MAGI1: variants seen among roughly 807,000 people sequenced by gnomAD.
MAGI1 encodes membrane-associated guanylate kinase, WW and PDZ domain-containing protein 1.
In MAGI1, 58 loss-of-function variants were observed where a neutral mutation model predicts 139.9. That is an observed-to-expected ratio of 0.41 (90% CI 0.34 to 0.52). The LOEUF is 0.52. Among genes scored for constraint, MAGI1 ranks in the 20% least tolerant of loss-of-function variants. The probability of loss-of-function intolerance (pLI) is 0.12; values close to 1 mark genes in which losing one functional copy is unlikely to be tolerated. For missense variants in MAGI1, 1,874 were observed against 1,901.6 expected (o/e 0.99, Z 0.27); for synonymous variants, 812 against 737.9 (o/e 1.10, Z -1.63).
intron 1 of MAGI1, among the ~76,000 whole-genome samples, chr3:65,931,190 G>A (rs1041777095): frequency 3.9e-5 from 6 of 151,954 alleles, no homozygotes; most frequent in Non-Finnish European, 4.4e-5. Context: ...GTGCCACCAC[G>A]CCCAGCTGAT....
intron 1 of MAGI1, among the ~76,000 whole-genome samples, chr3:66,001,355 G>C (rs1421502612): frequency 6.6e-6 from 1 of 152,076 alleles, no homozygotes; most frequent in Non-Finnish European, 1.5e-5. Context: ...AAATTATTAT[G>C]ATTATGCTAG....
At chr3:65,687,847 C>A in intron 1 of MAGI1, 2 of 614,596 alleles carry the variant, frequency 3.3e-6, no homozygotes, top group South Asian at 2.7e-5. Context: ...ACAGTGCCAC[C>A]CAGTCTTCCA....
intron 1 of MAGI1, among the ~76,000 whole-genome samples, chr3:65,785,265 T>C (rs2039292393): frequency 6.6e-6 from 1 of 152,188 alleles, no homozygotes; most frequent in Non-Finnish European, 1.5e-5. Context: ...AAGAGGGCGC[T>C]TTCCTCACAG....
intron 1 of MAGI1, among the ~76,000 whole-genome samples, chr3:66,033,564 T>C (rs2068757553): frequency 6.6e-6 from 1 of 152,062 alleles, no homozygotes; most frequent in South Asian, 2.1e-4. Context: ...AAAATGAGAG[T>C]TATTGTCATA....
At chr3:65,367,514 GTTTATC>G (rs1941546812) in intron 18 of MAGI1, among the ~76,000 whole-genome samples, 1 of 152,036 alleles carries the variant, frequency 6.6e-6, no homozygotes. Flanking sequence ...CTCATTTGTT[GTTTATC>G]TTAATCTATG....
intron 1 of MAGI1, among the ~76,000 whole-genome samples, chr3:65,802,929 C>CA (rs2040609973): frequency 6.7e-6 from 1 of 150,360 alleles, no homozygotes; most frequent in Non-Finnish European, 1.5e-5. Flanking sequence ...GTGAAAAACA[C>CA]AAATTTCATC....
rs1559642646 is a variant in MAGI1 at position 65,530,740 on chromosome 3, T to TACACATATATATACACAC, written c.431-37110_431-37109insGTGTGTATATATATGTGT. ...ATATATATACACACGTATATATATA[T>TACACATATATATACACAC]GCACATATATATACACGTATATATA... is the stretch of plus-strand genomic sequence containing the variant. On this transcript the variant is annotated intron_variant, in intron 2 of 22. Transcript: ENST00000402939. Among the ~76,000 whole-genome samples the TACACATATATATACACAC allele has an allele frequency of 3.1e-5, 3 of 97,496 alleles. No homozygotes were observed. The East Asian group carries it at 1.1e-3, about 36-fold the overall frequency. The allele number at this position is 97,496 out of a possible 152,430, so 64.0% of individuals were successfully genotyped here. A position where few individuals can be genotyped will look rare whatever the true frequency, so the allele number is the denominator to read the frequency against.
chr3:65,485,357 C>T (rs1248576132), intron 3 of MAGI1, among the ~76,000 whole-genome samples: 1 of 152,116 alleles, frequency 6.6e-6, no homozygotes, highest in Non-Finnish European at 1.5e-5. Context: ...CTTGCCAGTG[C>T]CATTTGGTTT....
chr3:65,875,474 GT>G (rs1431509210), intron 1 of MAGI1, among the ~76,000 whole-genome samples: 2 of 152,102 alleles, frequency 1.3e-5, no homozygotes, highest in African/African-American at 4.8e-5. Context: ...TTTACAAAAT[GT>G]TTTTTACAAA....
intron 1 of MAGI1, among the ~76,000 whole-genome samples, chr3:65,652,333 AATT>A (rs1188585136): frequency 2.0e-5 from 3 of 152,176 alleles, no homozygotes; most frequent in East Asian, 1.9e-4. Context: ...TACAAAAATA[AATT>A]ATCACTTTAA....
intron 7 of MAGI1, among the ~76,000 whole-genome samples, chr3:65,446,057 T>C (rs953557528): frequency 6.6e-6 from 1 of 152,186 alleles, no homozygotes; most frequent in Non-Finnish European, 1.5e-5. Context: ...AGGTTTTATC[T>C]CTACCCTTCC....
intron 1 of MAGI1, among the ~76,000 whole-genome samples, chr3:65,738,346 A>G (rs2034961941): frequency 6.6e-6 from 1 of 152,200 alleles, no homozygotes; most frequent in African/African-American, 2.4e-5. Context: ...CAATTTAAAA[A>G]AAAAATTTTT....
chr3:65,683,058 G>T (rs780371481), intron 1 of MAGI1, among the ~76,000 whole-genome samples: 1 of 151,944 alleles, frequency 6.6e-6, no homozygotes, highest in Admixed American at 6.6e-5. Flanking sequence ...AGAATCTAAT[G>T]CCAATGCTGA....
chr3:65,854,916 C>G (rs7621924), intron 1 of MAGI1, among the ~76,000 whole-genome samples: 5,069 of 152,302 alleles, frequency 0.033, 127 homozygotes, highest in Non-Finnish European at 0.048. Flanking sequence ...TAAACAGCAT[C>G]CCCTAATCAA....
At chr3:65,707,374 G>A (rs769395999) in intron 1 of MAGI1, among the ~76,000 whole-genome samples, 3 of 152,168 alleles carry the variant, frequency 2.0e-5, no homozygotes, top group South Asian at 2.1e-4. Context: ...CACTTTGGAC[G>A]TGCAGCCTCG....
intron 1 of MAGI1, among the ~76,000 whole-genome samples, chr3:65,800,950 C>T (rs1179057077): frequency 6.6e-6 from 1 of 152,060 alleles, no homozygotes; most frequent in Non-Finnish European, 1.5e-5. Context: ...GTAATATTTC[C>T]CCTGGGATAA....
chr3:65,520,203 A>G (rs1189090230), intron 2 of MAGI1, among the ~76,000 whole-genome samples: 2 of 152,190 alleles, frequency 1.3e-5, no homozygotes, highest in Non-Finnish European at 2.9e-5. Flanking sequence ...TGCAAAATAA[A>G]TGCTTATTAT....
chr3:65,516,242 C>T (rs562132914), intron 2 of MAGI1, among the ~76,000 whole-genome samples: 1 of 151,812 alleles, frequency 6.6e-6, no homozygotes, highest in East Asian at 2.0e-4. Flanking sequence ...TGCAGTGGTC[C>T]AATCTTGGCT....
intron 1 of MAGI1, among the ~76,000 whole-genome samples, chr3:65,940,261 C>G (rs1160717181): frequency 6.6e-6 from 1 of 152,208 alleles, no homozygotes; most frequent in Non-Finnish European, 1.5e-5. Context: ...GCCACACTCT[C>G]ACAAGAAATT....
Sources: gnomAD v4.1 joint callset for allele counts (sites outside exome capture counted in the v4.1 genomes callset) on GRCh38, gnomAD v4.1.1 for gene constraint, MANE v1.5 for transcripts, NCBI Gene and HGNC (gene_info 2026-07-23, HGNC 2026-07-21) for gene names.